Variants in RYR3 observed in about 807,000 individuals in gnomAD.
The protein encoded by RYR3 is brain ryanodine receptor-calcium release channel.
In RYR3, 207 loss-of-function variants were observed where a neutral mutation model predicts 584.3. That is an observed-to-expected ratio of 0.35 (90% CI 0.32 to 0.40). The LOEUF is 0.40. Among genes scored for constraint, RYR3 ranks in the 10% least tolerant of loss-of-function variants. RYR3 has a pLI of 1.00. For missense variants in RYR3, 5,616 were observed against 6,089.2 expected, an observed-to-expected ratio of 0.92 and a Z score of 2.59; for synonymous variants, 2,416 against 2,248.5, an observed-to-expected ratio of 1.07 and a Z score of -2.11.
At chr15:33,717,114 A>G (rs1168892665) in intron 43 of RYR3, among the ~76,000 whole-genome samples, 1 of 152,198 alleles carries the variant, frequency 6.6e-6, no homozygotes, top group African/African-American at 2.4e-5. Context: ...GCGATTAAAT[A>G]CTGGCCTTCA....
At chr15:33,553,197 A>G (rs898658351) in intron 10 of RYR3, among the ~76,000 whole-genome samples, 18 of 152,118 alleles carry the variant, frequency 1.2e-4, no homozygotes, top group African/African-American at 4.3e-4. Context: ...GAGAATCTGA[A>G]AAAGGAGAAA....
At chr15:33,487,499 A>G (rs1399467279) in intron 2 of RYR3, among the ~76,000 whole-genome samples, 1 of 152,126 alleles carries the variant, frequency 6.6e-6, no homozygotes, top group Non-Finnish European at 1.5e-5. Context: ...TTTGACCTAG[A>G]CATTCTTTTT....
chr15:33,686,646 C>A (rs556429705), intron 38 of RYR3, among the ~76,000 whole-genome samples: 1 of 152,132 alleles, frequency 6.6e-6, no homozygotes, highest in African/African-American at 2.4e-5. Context: ...TAGACCAATA[C>A]CCCTGATGAA....
intron 47 of RYR3, 103 bp downstream of exon 47, chr15:33,729,129 T>A: frequency 1.1e-6 from 1 of 928,180 alleles, no homozygotes; most frequent in Non-Finnish European, 1.6e-6. Flanking sequence ...AATTACATTT[T>A]AATAGCTTAC....
Position 33,662,438 on chromosome 15 carries a change from C to A in RYR3, c.4908C>A (p.Thr1636=). ...AGTACATCATCCCCATTACCAGCAC[C>A]ACCAGGAATATCCGCCTCTTCCCGG... is the stretch of plus-strand genomic sequence containing the variant. ...KNEYIIPITS[T]TRNIRLFPDE... Residue 1636 remains threonine, a synonymous_variant, in exon 35 of 104, where the codon ACC becomes ACA. Transcript: ENST00000634891. The A allele has an allele frequency of 6.2e-7, 1 of 1,614,016 alleles. No homozygotes were observed. The highest frequency in any genetic ancestry group is 8.5e-7 in the Non-Finnish European group (1 of 1,179,880).
intron 6 of RYR3, 148 bp from the exon 7 acceptor site, chr15:33,540,643 T>A (rs934275865): frequency 8.5e-6 from 5 of 589,536 alleles, no homozygotes; most frequent in African/African-American, 5.5e-5. Flanking sequence ...TGCTTCTAGA[T>A]CAGGTGGAGA....
chr15:33,547,985 C>T, intron 8 of RYR3, 145 bp from the exon 9 acceptor site: 2 of 638,544 alleles, frequency 3.1e-6, no homozygotes, highest in Non-Finnish European at 5.6e-6. Flanking sequence ...AACTGTCTTC[C>T]CTCTTATTCT....
chr15:33,840,905 C>G, intron 90 of RYR3, 22 bp downstream of exon 90: 1 of 1,609,082 alleles, frequency 6.2e-7, no homozygotes, highest in Non-Finnish European at 8.5e-7. Flanking sequence ...GTAGCATCAA[C>G]TACTCTCATT....
chr15:33,339,780 T>A (rs987818903), intron 1 of RYR3, among the ~76,000 whole-genome samples: 1 of 149,380 alleles, frequency 6.7e-6, no homozygotes, highest in Admixed American at 6.6e-5. Flanking sequence ...TCCCAGCTAC[T>A]CGGGAGGCTG....
chr15:33,836,761 T>A, intron 87 of RYR3, 145 bp from the exon 88 acceptor site: 1 of 588,232 alleles, frequency 1.7e-6, no homozygotes, highest in Non-Finnish European at 3.1e-6. Flanking sequence ...CGATAAGGCA[T>A]CCTCATTCAG....
chr15:33,393,283 A>G lies in RYR3; in HGVS notation c.52-80136A>G, dbSNP rs572623147. On this transcript the variant is annotated intron_variant, in intron 1 of 103. Transcript: ENST00000634891. ...AAAGAAACCTGCTGATTATTGTCGC[A>G]TAACCGTGATTTGCTTTCAGAACTT... 2.0e-5 allele frequency among the ~76,000 whole-genome samples: 3 copies of G among 152,376 alleles called. No homozygotes were observed. The South Asian group carries it at 6.2e-4, about 32-fold the overall frequency.
chr15:33,716,170 G>T (rs1351473112), intron 43 of RYR3, among the ~76,000 whole-genome samples: 1 of 152,138 alleles, frequency 6.6e-6, no homozygotes, highest in African/African-American at 2.4e-5. Context: ...AAACCAAGCA[G>T]TTGCTGGCAC....
chr15:33,535,534 G>A (rs1225918127), intron 5 of RYR3, among the ~76,000 whole-genome samples: 1 of 152,180 alleles, frequency 6.6e-6, no homozygotes, highest in Non-Finnish European at 1.5e-5. Context: ...CAAAGTGAGT[G>A]AAGTGCCACA....
chr15:33,526,996 C>T (rs1488046113), intron 3 of RYR3, among the ~76,000 whole-genome samples: 1 of 152,034 alleles, frequency 6.6e-6, no homozygotes, highest in African/African-American at 2.4e-5. Flanking sequence ...CAGAGGGAAA[C>T]GTGTGCAGAA....
At chr15:33,481,722 C>T (rs2442462) in intron 2 of RYR3, among the ~76,000 whole-genome samples, 93,679 of 151,042 alleles carry the variant, frequency 0.62, 29,675 homozygotes, top group African/African-American at 0.76. Context: ...CCTCAGGTGA[C>T]CCACCCGCCT....
rs1423041231 is a variant in RYR3 at position 33,517,087 on chromosome 15, C to T, written c.279+13349C>T. Among the ~76,000 whole-genome samples the T allele has an allele frequency of 3.3e-5, 5 of 152,138 alleles. No homozygotes were observed. The East Asian group carries it at 7.8e-4, about 24-fold the overall frequency. ...TTGGCTCACTGCAACCTCTACTTCT[C>T]GGGATCAAGCGATTCTCCTGCCTCA... is the stretch of plus-strand genomic sequence containing the variant. On this transcript the variant is annotated intron_variant, in intron 3 of 103. Transcript: ENST00000634891.
chr15:33,491,122 T>C (rs1165947093), intron 2 of RYR3, among the ~76,000 whole-genome samples: 1 of 152,214 alleles, frequency 6.6e-6, no homozygotes, highest in East Asian at 1.9e-4. Context: ...TTTGCAGTCA[T>C]TGACCTTATA....
intron 2 of RYR3, among the ~76,000 whole-genome samples, chr15:33,482,483 C>A (rs2572179): frequency 0.44 from 67,454 of 151,886 alleles, 15,789 homozygotes; most frequent in Non-Finnish European, 0.52. Context: ...GCAATGGCGC[C>A]ATCTCCGCTC....
At chr15:33,351,617 A>G (rs1973269752) in intron 1 of RYR3, among the ~76,000 whole-genome samples, 1 of 151,082 alleles carries the variant, frequency 6.6e-6, no homozygotes, top group Admixed American at 6.6e-5. Context: ...ATGCAAATCA[A>G]TAAATGTAAT....
Sources: allele counts gnomAD v4.1 joint callset (sites outside exome capture counted in the v4.1 genomes callset), GRCh38; gene constraint gnomAD v4.1.1; transcripts MANE v1.5; gene names NCBI Gene and HGNC (gene_info 2026-07-23, HGNC 2026-07-21).